TRAFD1: variants seen among roughly 807,000 people sequenced by gnomAD.
TRAFD1 encodes TRAF-type zinc finger domain-containing protein 1.
TRAFD1 carries 38 observed loss-of-function variants against 65.3 expected under a neutral mutation model. The ratio of observed to expected loss-of-function variants is 0.58; its 90% CI spans 0.45 to 0.76. The LOEUF is 0.76. Among genes scored for constraint, TRAFD1 ranks in the 30% least tolerant of loss-of-function variants. TRAFD1 has a pLI of 0.00. For missense variants in TRAFD1, 631 were observed against 712.6 expected (o/e 0.89, Z 1.30); for synonymous variants, 223 against 257.2 (o/e 0.87, Z 1.27).
chr12:112,138,134 C>T (rs966297586), intron 4 of TRAFD1, among the ~76,000 whole-genome samples: 1 of 151,938 alleles, frequency 6.6e-6, no homozygotes, highest in Admixed American at 6.6e-5. Context: ...CCCAATTGCT[C>T]GAGGGGCTGA....
chr12:112,152,735 G>T lies in TRAFD1; in HGVS notation c.1693G>T (p.Ala565Ser), dbSNP rs1456739645. The part of the protein sequence containing the change: ...AANYRSRTAK[A>S]KPSKQQGAGD... ...TCGTTTGTGTTGTGTTGTTCACCAG[G>T]CAAAGCCTTCCAAGCAACAGGGAGC... Residue 565 changes from alanine (A) to serine (S), a missense_variant and splice_region_variant, in exon 12 of 12, where the codon GCA (alanine) becomes TCA (serine). Ala to Ser is a moderately conservative substitution (Grantham distance 99). Coordinates refer to ENST00000412615, the MANE Select transcript of TRAFD1 (RefSeq NM_006700.3). The surrounding 1 kb of genome is among the most constrained non-coding windows in gnomAD (Gnocchi z 5.0). 6.2e-7 allele frequency: 1 copy of T among 1,614,076 alleles called. No homozygotes were observed. The highest frequency in any genetic ancestry group is 8.5e-7 in the Non-Finnish European group (1 of 1,180,046).
rs1218236123 is a variant in TRAFD1 at position 112,152,097 on chromosome 12, G to T, written c.1576G>T (p.Val526Leu). The T allele has an allele frequency of 6.2e-7, 1 of 1,613,900 alleles. No individual in the cohort carries two copies. Among genetic ancestry groups the T allele is most frequent in the Non-Finnish European group, 8.5e-7 (1 of 1,179,844 alleles). ...PPQNLYPENI[V>L]PSFSPGPSGR... ...TCAAAATCTCTACCCAGAAAACATT[G>T]TGCCCTCTTTCTCCCCTGGGCCTTC... Residue 526 changes from valine (V) to leucine (L), a missense_variant, in exon 10 of 12, where the codon GTG becomes TTG. By Grantham distance (32) the Val-to-Leu change is conservative (BLOSUM62 1). Transcript: ENST00000412615. The surrounding 1 kb of genome is among the most constrained non-coding windows in gnomAD (Gnocchi z 5.0).
At chr12:112,147,399 CT>C (rs1204717820) in intron 7 of TRAFD1, among the ~76,000 whole-genome samples, 1 of 152,070 alleles carries the variant, frequency 6.6e-6, no homozygotes, top group Non-Finnish European at 1.5e-5. Flanking sequence ...GTGGAACATA[CT>C]TTCCCCCATA....
chr12:112,144,688 C>T (rs1211686837), intron 6 of TRAFD1, among the ~76,000 whole-genome samples: 2 of 152,106 alleles, frequency 1.3e-5, no homozygotes. Flanking sequence ...CAAGACCATC[C>T]TGGGCAACAG....
At chr12:112,142,722 G>A (rs544693107) in intron 6 of TRAFD1, among the ~76,000 whole-genome samples, 2 of 152,164 alleles carry the variant, frequency 1.3e-5, no homozygotes, top group Non-Finnish European at 2.9e-5. Flanking sequence ...AGTGACATCC[G>A]TATTGTTTAC....
chr12:112,129,909 T>C (rs1015031620), intron 1 of TRAFD1, among the ~76,000 whole-genome samples: 3 of 151,978 alleles, frequency 2.0e-5, no homozygotes, highest in Admixed American at 2.0e-4. Context: ...CCCTAAGTCC[T>C]GGGATTACAG....
intron 4 of TRAFD1, among the ~76,000 whole-genome samples, chr12:112,138,434 C>T (rs937118539): frequency 1.3e-4 from 20 of 151,806 alleles, no homozygotes; most frequent in African/African-American, 4.4e-4. Flanking sequence ...CCTGTAATTC[C>T]AGCTACTCGG....
rs376798719 is a variant in TRAFD1 at position 112,126,929 on chromosome 12, C to T, written c.-13+1311C>T. Among the ~76,000 whole-genome samples the T allele has an allele frequency of 5.3e-5, 8 of 152,330 alleles. No homozygotes were observed. In the East Asian group the frequency reaches 1.5e-3, roughly 29 times the overall value. ...TCGCCCTCCCAAAGTGCTGGGATTACAGGCGTGAGCTGCTGCGCCCAGCCC... is the reference window on the plus strand; with the variant it reads ...TCGCCCTCCCAAAGTGCTGGGATTATAGGCGTGAGCTGCTGCGCCCAGCCC... On this transcript the variant is annotated intron_variant, in intron 1 of 11. Coordinates refer to ENST00000412615, the MANE Select transcript of TRAFD1 (RefSeq NM_006700.3).
In TRAFD1 at chr12:112,145,792, T is replaced by G. The variant is rs191166244; in HGVS notation, c.927+130T>G. Reference sequence around the variant, plus strand: ...CATAGTAGGAATAGCAAGTGTTCTTTTCCATGATGTGAGTGGCATACAGAT... The same window carrying G: ...CATAGTAGGAATAGCAAGTGTTCTTGTCCATGATGTGAGTGGCATACAGAT... On this transcript the variant is annotated intron_variant, in intron 7 of 11. Coordinates refer to ENST00000412615, the MANE Select transcript of TRAFD1 (RefSeq NM_006700.3). The G allele has an allele frequency of 1.1e-4, 85 of 779,602 alleles. 1 individual carries two copies. In the East Asian group the frequency reaches 1.8e-3, roughly 16 times the overall value. The allele number at this position is 779,602 out of a possible 1,614,324, so 48.3% of individuals were successfully genotyped here.
rs2030351475 is a variant in TRAFD1 at position 112,149,786 on chromosome 12, C to G, written c.1194C>G (p.Asn398Lys). ...ACCAACGCCCAGCCACTGCAACCAA[C>G]CATGTGACAGAGGGGATTCCTAGAC... ...QCDQRPATAT[N>K]HVTEGIPRLD... is the part of the protein sequence containing the mutation. The change falls in exon 9 of 12, where the codon AAC (asparagine) becomes AAG (lysine). Residue 398 changes from asparagine (N) to lysine (K), a missense_variant. Transcript: ENST00000412615. 1.2e-6 allele frequency: 2 copies of G among 1,614,208 alleles called. No individual in the cohort carries two copies. The highest frequency in any genetic ancestry group is 1.7e-6 in the Non-Finnish European group (2 of 1,180,004).
At chr12:112,141,647 T>C (rs1041240712) in intron 5 of TRAFD1, among the ~76,000 whole-genome samples, 10 of 152,232 alleles carry the variant, frequency 6.6e-5, no homozygotes, top group African/African-American at 2.4e-4. Flanking sequence ...ATTGGTATGC[T>C]CAACCTGTAT....
intron 7 of TRAFD1, among the ~76,000 whole-genome samples, chr12:112,147,180 G>A (rs1174454241): frequency 1.3e-5 from 2 of 151,814 alleles, no homozygotes; most frequent in Non-Finnish European, 2.9e-5. Flanking sequence ...TGTATTTTTC[G>A]TAGAGACAGG....
Position 112,130,674 on chromosome 12 carries a change from AG to A in TRAFD1, c.47+106del. The A allele has an allele frequency of 1.1e-6, 1 of 928,110 alleles. No homozygotes were observed. The highest frequency in any genetic ancestry group is 1.8e-5 in the South Asian group (1 of 56,972). The allele number at this position is 928,110 out of a possible 1,614,324, so 57.5% of individuals were successfully genotyped here. On this transcript the variant is annotated intron_variant, in intron 2 of 11. Transcript: ENST00000412615. This position sits in a 1 kb window ranked among gnomAD's most constrained non-coding sequence, Gnocchi z 4.4. Reference sequence around the variant, plus strand: ...GTTAGTGAAGACTGGCACAGTCTTGAGTTAAGCTTTCTATTTTGGTGTTTAT... The same window carrying A: ...GTTAGTGAAGACTGGCACAGTCTTGATTAAGCTTTCTATTTTGGTGTTTAT...
In TRAFD1 at chr12:112,137,806, T is replaced by C. The variant is rs1208238042; in HGVS notation, c.237+2740T>C. ...ATAAATAAATAAAAATCCAAACAGC[T>C]GTTTATATGGTAGTTATAGAAGAGT... On this transcript the variant is annotated intron_variant, in intron 4 of 11. Coordinates refer to ENST00000412615, the MANE Select transcript of TRAFD1 (RefSeq NM_006700.3). The surrounding 1 kb of genome is among the most constrained non-coding windows in gnomAD (Gnocchi z 4.2). Among the ~76,000 whole-genome samples the C allele has an allele frequency of 6.6e-6, 1 of 152,052 alleles. No homozygotes were observed. The highest frequency in any genetic ancestry group is 1.5e-5 in the Non-Finnish European group (1 of 67,986).
At chr12:112,133,025 G>A (rs139161519) in intron 2 of TRAFD1, 132 of 152,302 alleles carry the variant, frequency 8.7e-4, no homozygotes, top group African/African-American at 3.1e-3. Flanking sequence ...ATAAGTAAAA[G>A]TAAGGCCTTT....
intron 6 of TRAFD1, among the ~76,000 whole-genome samples, chr12:112,144,186 G>A (rs2030170193): frequency 1.3e-5 from 2 of 151,978 alleles, no homozygotes; most frequent in African/African-American, 4.8e-5. Context: ...TTTCTAGCAT[G>A]TTCCTCTGAG....
chr12:112,144,009 A>G (rs1387874938), intron 6 of TRAFD1, among the ~76,000 whole-genome samples: 2 of 151,206 alleles, frequency 1.3e-5, no homozygotes, highest in African/African-American at 2.4e-5. Context: ...GATTACAGGC[A>G]TTAGCCACTG....
intron 7 of TRAFD1, among the ~76,000 whole-genome samples, chr12:112,147,414 G>T (rs2030282441): frequency 6.6e-6 from 1 of 152,056 alleles, no homozygotes. Flanking sequence ...CCCCATAAAT[G>T]AAATAATATA....
chr12:112,140,143 G>A (rs1323504546), intron 4 of TRAFD1: 2 of 338,470 alleles, frequency 5.9e-6, no homozygotes, highest in South Asian at 2.2e-5. Context: ...ATTGGAGGCC[G>A]GGCGTGGTGG....
Sources: allele counts gnomAD v4.1 joint callset (sites outside exome capture counted in the v4.1 genomes callset), GRCh38; gene constraint gnomAD v4.1.1; non-coding constraint Gnocchi (gnomAD v3.1); transcripts MANE v1.5; gene names NCBI Gene and HGNC (gene_info 2026-07-23, HGNC 2026-07-21).